The following ADAMDEC1 variants were observed in gnomAD, a reference collection of about 807,000 sequenced individuals.
ADAMDEC1 encodes the protein ADAM DEC1.
ADAMDEC1 carries 62 observed loss-of-function variants against 60.4 expected under a neutral mutation model. The ratio of observed to expected loss-of-function variants is 1.03; its 90% confidence interval spans 0.84 to 1.27. The LOEUF (loss-of-function observed/expected upper bound fraction) is 1.27. Ranked by LOEUF, ADAMDEC1 falls within the 50% of genes most tolerant of loss-of-function variation. The pLI is 0.00. For missense variants in ADAMDEC1, 595 were observed against 565.0 expected (o/e 1.05, Z -0.54); for synonymous variants, 210 against 195.1 (o/e 1.08, Z -0.64).
At chr8:24,386,600 C>T (rs529517369) in intron 1 of ADAMDEC1, among the ~76,000 whole-genome samples, 33 of 152,146 alleles carry the variant, frequency 2.2e-4, no homozygotes, top group Admixed American at 5.2e-4. Context: ...GCTGGCTTAA[C>T]ACCTCCATTT....
chr8:24,397,677 G>T lies in ADAMDEC1; in HGVS notation c.628-6G>T, dbSNP rs368429148. Reference sequence around the variant, plus strand: ...GATTAACAATGTTCTTTTATTCTTTGTAAAGAAAGAAGACTTTCTTCGGGC... The same window carrying T: ...GATTAACAATGTTCTTTTATTCTTTTTAAAGAAAGAAGACTTTCTTCGGGC... On this transcript the variant is annotated splice_region_variant and splice_polypyrimidine_tract_variant and intron_variant, in intron 6 of 13. Coordinates refer to ENST00000256412, the MANE Select transcript of ADAMDEC1 (RefSeq NM_014479.3). 1.2e-6 allele frequency: 2 copies of T among 1,610,026 alleles called. No individual in the cohort carries two copies. Among genetic ancestry groups the T allele is most frequent in the African/African-American group, 2.7e-5 (2 of 74,888 alleles).
rs1365892166 is a variant in ADAMDEC1 at position 24,400,311 on chromosome 8, G to A, written c.1142+11G>A. The A allele has an allele frequency of 6.3e-7, 1 of 1,583,954 alleles. No homozygotes were observed. The highest frequency in any genetic ancestry group is 2.3e-5 in the East Asian group (1 of 44,400). ...GAATCAGTATCTGAGGTGAGACCTT[G>A]TCATCCTAAAAGGAGAGAGATATTT... On this transcript the variant is annotated intron_variant, in intron 11 of 13. Transcript: ENST00000256412.
At position 24,396,957 on chromosome 8, in the gene ADAMDEC1, C is replaced by T. The variant is rs558575554; in HGVS notation, c.441-313C>T. On this transcript the variant is annotated intron_variant, in intron 5 of 13. Coordinates refer to ENST00000256412, the MANE Select transcript of ADAMDEC1 (RefSeq NM_014479.3). ...CCATTTTCCATTATAGTCCTAGGATCTGCCATGAAATATTTGTTAAATGAA... is the reference window on the plus strand; with the variant it reads ...CCATTTTCCATTATAGTCCTAGGATTTGCCATGAAATATTTGTTAAATGAA... Among the ~76,000 whole-genome samples the T allele has an allele frequency of 3.2e-4, 48 of 152,306 alleles. 1 individual carries two copies. The highest frequency in any genetic ancestry group is 3.4e-3 in the Middle Eastern group (1 of 294).
At chr8:24,384,728 CCTCTCTG>C in intron 1 of ADAMDEC1, 136 bp downstream of exon 1, 2 of 755,012 alleles carry the variant, frequency 2.6e-6, no homozygotes, top group Non-Finnish European at 2.1e-6. Context: ...AGATTTTCTA[CCTCTCTG>C]CAAAAGCGAA....
At position 24,384,540 on chromosome 8, in the gene ADAMDEC1, C is replaced by T. The variant is rs1215282453; in HGVS notation, c.36C>T (p.Ala12=). ...GGATCTCCCAGCTACCTGCAGTGGC[C>T]ACCATGTCTTGGGTCCTGCTGCCTG... The part of the protein sequence containing the change: ...LRGISQLPAV[A]TMSWVLLPVL... Residue 12 remains alanine (A), a synonymous_variant, in exon 1 of 14, where the codon GCC becomes GCT. Transcript: ENST00000256412. The T allele has an allele frequency of 1.2e-6, 2 of 1,610,800 alleles. No individual in the cohort carries two copies.
intron 10 of ADAMDEC1, 25 bp from the exon 11 acceptor site, chr8:24,400,141 GAATA>G (rs764707283): frequency 4.7e-6 from 7 of 1,481,984 alleles, no homozygotes; most frequent in Admixed American, 5.1e-5. Flanking sequence ...AATAAAAAAA[GAATA>G]AATAAATATA....
intron 6 of ADAMDEC1, 37 bp from the exon 7 acceptor site, chr8:24,397,646 G>T: frequency 6.3e-7 from 1 of 1,584,968 alleles, no homozygotes; most frequent in Non-Finnish European, 8.6e-7. Context: ...TTAGGATAAA[G>T]ATAATGATTA....
chr8:24,401,607 A>G (rs1817767314), intron 11 of ADAMDEC1, among the ~76,000 whole-genome samples: 1 of 152,170 alleles, frequency 6.6e-6, no homozygotes, highest in Admixed American at 6.6e-5. Flanking sequence ...GATAATTACA[A>G]ATGGTGATGG....
At position 24,395,854 on chromosome 8, in the gene ADAMDEC1, AG is replaced by A. The variant is rs1400743210; in HGVS notation, c.440+61del. The A allele has an allele frequency of 1.2e-5, 16 of 1,307,550 alleles. No homozygotes were observed. The Admixed American group carries it at 2.9e-4, about 24-fold the overall frequency. The allele number at this position is 1,307,550 out of a possible 1,614,324, so 81.0% of individuals were successfully genotyped here. The stretch of plus-strand genomic sequence containing the variant: ...AGAAGCTTTTTGTTACACAGAATTA[AG>A]GGCTACTAGATATTGTCTTCTTACT... On this transcript the variant is annotated intron_variant, in intron 5 of 13. Coordinates refer to ENST00000256412, the MANE Select transcript of ADAMDEC1 (RefSeq NM_014479.3).
chr8:24,384,750 A>G (rs904101872), intron 1 of ADAMDEC1, among the ~76,000 whole-genome samples, 158 bp downstream of exon 1: 19 of 152,188 alleles, frequency 1.2e-4, no homozygotes, highest in African/African-American at 4.3e-4. Context: ...AGCGAACTAT[A>G]TATACATAAG....
At chr8:24,393,440 G>C in intron 3 of ADAMDEC1, 102 bp downstream of exon 3, 2 of 714,028 alleles carry the variant, frequency 2.8e-6, no homozygotes, top group Non-Finnish European at 4.6e-6. Context: ...TAGAAGACAT[G>C]AGGCATTTTG....
intron 1 of ADAMDEC1, chr8:24,390,099 T>A: frequency 2.1e-6 from 1 of 474,310 alleles, no homozygotes; most frequent in South Asian, 1.6e-5. Flanking sequence ...TGGATCAATG[T>A]CTATTCTATT....
At chr8:24,386,115 A>G (rs1007967026) in intron 1 of ADAMDEC1, among the ~76,000 whole-genome samples, 4 of 152,160 alleles carry the variant, frequency 2.6e-5, no homozygotes, top group Middle Eastern at 3.2e-3. Flanking sequence ...TATGATGCCC[A>G]TAGTGCCCAA....
intron 1 of ADAMDEC1, among the ~76,000 whole-genome samples, chr8:24,389,549 G>C (rs1013837915): frequency 2.0e-5 from 3 of 152,048 alleles, no homozygotes. Flanking sequence ...ATCAGACAGG[G>C]CAATCTTATT....
intron 1 of ADAMDEC1, among the ~76,000 whole-genome samples, chr8:24,390,515 T>G (rs547219349): frequency 6.6e-6 from 1 of 152,124 alleles, no homozygotes; most frequent in South Asian, 2.1e-4. Flanking sequence ...AGTTCAGGAG[T>G]TCGAGACCAG....
chr8:24,386,482 G>A (rs758414421), intron 1 of ADAMDEC1, among the ~76,000 whole-genome samples: 1 of 152,162 alleles, frequency 6.6e-6, no homozygotes, highest in Non-Finnish European at 1.5e-5. Context: ...GGAAATGGGA[G>A]GGATTGCAAG....
chr8:24,399,438 T>C lies in ADAMDEC1; in HGVS notation c.975T>C (p.Asn325=). Residue 325 remains asparagine (N), a synonymous_variant, in exon 10 of 14, where the codon AAT becomes AAC. Coordinates refer to ENST00000256412, the MANE Select transcript of ADAMDEC1 (RefSeq NM_014479.3). ...NNRRVGLAAS[N]SLCSPSSVAV... ...GACGTGTGGGACTGGCAGCTTCAAA[T>C]TCCTTGTGTTCCCCATCTTCGGTTG... 1 of 1,614,024 alleles carries C rather than the reference T, an allele frequency of 6.2e-7. No individual in the cohort carries two copies. The highest frequency in any genetic ancestry group is 8.5e-7 in the Non-Finnish European group (1 of 1,179,910).
Position 24,394,167 on chromosome 8 carries a change from T to C in ADAMDEC1, c.363+20T>C. ...AACATGGTAGGGTCCGAATACTTTGTGGGTCTCTTTTGAGTTTTAGATGTT... is the reference window on the plus strand; with the variant it reads ...AACATGGTAGGGTCCGAATACTTTGCGGGTCTCTTTTGAGTTTTAGATGTT... On this transcript the variant is annotated intron_variant, in intron 4 of 13. Coordinates refer to ENST00000256412, the MANE Select transcript of ADAMDEC1 (RefSeq NM_014479.3). 2 of 1,577,320 alleles carry C rather than the reference T, an allele frequency of 1.3e-6. No individual in the cohort carries two copies. The highest frequency in any genetic ancestry group is 1.7e-6 in the Non-Finnish European group (2 of 1,147,082).
Position 24,392,347 on chromosome 8 carries a change from C to T in ADAMDEC1, c.174C>T (p.Ile58=). The T allele has an allele frequency of 6.2e-7, 1 of 1,611,484 alleles. No individual in the cohort carries two copies. The highest frequency in any genetic ancestry group is 8.5e-7 in the Non-Finnish European group (1 of 1,178,642). Reference sequence around the variant, plus strand: ...TTCACATTTTACACAAAAGAGAGATCAAGAACAACCAGACAGAAAAGCATG... The same window carrying T: ...TTCACATTTTACACAAAAGAGAGATTAAGAACAACCAGACAGAAAAGCATG... ...KKLHILHKRE[I]KNNQTEKHGK... Residue 58 remains isoleucine (I), a synonymous_variant, in exon 2 of 14, where the codon ATC becomes ATT. Coordinates refer to ENST00000256412, the MANE Select transcript of ADAMDEC1 (RefSeq NM_014479.3).
Sources: gnomAD v4.1 joint callset for allele counts (sites outside exome capture counted in the v4.1 genomes callset) on GRCh38, gnomAD v4.1.1 for gene constraint, MANE v1.5 for transcripts, NCBI Gene and HGNC (gene_info 2026-07-23, HGNC 2026-07-21) for gene names.